CSMD2: variants seen among roughly 807,000 people sequenced by gnomAD.
The protein encoded by CSMD2 is CUB and sushi domain-containing protein 2.
CSMD2 carries 130 observed loss-of-function variants against 398.5 expected under a neutral mutation model. The ratio of observed to expected loss-of-function variants is 0.33; its 90% confidence interval spans 0.28 to 0.38. The LOEUF (loss-of-function observed/expected upper bound fraction) is 0.38, where lower values mean the gene tolerates loss of function less well. Ranked by LOEUF, CSMD2 falls within the 10% of genes least tolerant of loss-of-function variation. The pLI is 1.00. For missense variants in CSMD2, 3,829 were observed against 4,764.9 expected (o/e 0.80, Z 5.78); for synonymous variants, 1,828 against 1,908.5 (o/e 0.96, Z 1.10).
chr1:33,941,983 C>T (rs574798128), intron 3 of CSMD2, among the ~76,000 whole-genome samples: 1 of 152,236 alleles, frequency 6.6e-6, no homozygotes, highest in South Asian at 2.1e-4. Context: ...TCCATAAGGA[C>T]AGGCATTTTT....
At chr1:33,652,867 G>T (rs1643837691) in intron 27 of CSMD2, among the ~76,000 whole-genome samples, 1 of 152,136 alleles carries the variant, frequency 6.6e-6, no homozygotes, top group South Asian at 2.1e-4. Context: ...CCATTCTCCT[G>T]CCTCAGCCTC....
chr1:33,691,827 C>T (rs952271663), intron 25 of CSMD2, among the ~76,000 whole-genome samples: 5 of 152,130 alleles, frequency 3.3e-5, no homozygotes, highest in African/African-American at 1.2e-4. Flanking sequence ...CATTCCTTAC[C>T]CATGTGTTTC....
intron 46 of CSMD2, 27 bp from the exon 47 acceptor site, chr1:33,583,857 G>A: frequency 6.3e-7 from 1 of 1,598,666 alleles, no homozygotes; most frequent in South Asian, 1.1e-5. Flanking sequence ...GAAACACCAA[G>A]TACGTGGGGG....
chr1:33,791,623 C>A (rs2124870203), intron 11 of CSMD2, among the ~76,000 whole-genome samples: 1 of 152,250 alleles, frequency 6.6e-6, no homozygotes, highest in East Asian at 1.9e-4. Flanking sequence ...GTAGCTGGGA[C>A]TATACAGGCG....
intron 13 of CSMD2, among the ~76,000 whole-genome samples, chr1:33,766,708 CCACA>C (rs1272639183): frequency 6.6e-6 from 1 of 152,152 alleles, no homozygotes; most frequent in East Asian, 1.9e-4. Context: ...TTTTAAATGG[CCACA>C]CAAATATTTG....
chr1:33,675,436 A>G (rs921652080), intron 25 of CSMD2, among the ~76,000 whole-genome samples: 9 of 152,242 alleles, frequency 5.9e-5, no homozygotes, highest in Non-Finnish European at 8.8e-5. Context: ...GAATAGACCA[A>G]TAACAGGCTC....
intron 29 of CSMD2, among the ~76,000 whole-genome samples, chr1:33,638,215 T>C (rs1642916723): frequency 6.6e-6 from 1 of 152,190 alleles, no homozygotes; most frequent in African/African-American, 2.4e-5. Flanking sequence ...ATCAAATCTG[T>C]CTTCTCCATA....
chr1:33,546,858 C>CATTT (rs948639359), intron 56 of CSMD2, among the ~76,000 whole-genome samples: 6 of 151,834 alleles, frequency 4.0e-5, no homozygotes, highest in African/African-American at 7.3e-5. Flanking sequence ...TGATCTTGGG[C>CATTT]ATTTATTTAT....
chr1:33,856,149 A>C (rs1401458307), intron 5 of CSMD2, among the ~76,000 whole-genome samples: 1 of 152,080 alleles, frequency 6.6e-6, no homozygotes, highest in East Asian at 1.9e-4. Flanking sequence ...AATGTGAACT[A>C]TTTTCCCCCT....
intron 12 of CSMD2, among the ~76,000 whole-genome samples, chr1:33,777,122 A>G (rs1652094140): frequency 6.6e-6 from 1 of 152,182 alleles, no homozygotes; most frequent in African/African-American, 2.4e-5. Context: ...GCGAGCAAGC[A>G]TACGAGCCCC....
intron 59 of CSMD2, 42 bp downstream of exon 59, chr1:33,541,088 T>C (rs201185215): frequency 1.3e-5 from 20 of 1,598,038 alleles, no homozygotes; most frequent in Middle Eastern, 1.8e-4. Context: ...CACTTTTGTA[T>C]CTTCTTTGGC....
At chr1:33,748,258 T>C (rs1415283378) in intron 13 of CSMD2, among the ~76,000 whole-genome samples, 7 of 152,196 alleles carry the variant, frequency 4.6e-5, no homozygotes, top group African/African-American at 2.4e-5. Flanking sequence ...TGTAAGAGAA[T>C]AGGAAGAGCC....
chr1:34,113,663 A>T (rs78553100), intron 1 of CSMD2, among the ~76,000 whole-genome samples: 1 of 152,182 alleles, frequency 6.6e-6, no homozygotes, highest in African/African-American at 2.4e-5. Context: ...CAGAATAGGA[A>T]GCCCCAGACA....
chr1:33,894,195 G>A (rs1642227976), intron 5 of CSMD2, among the ~76,000 whole-genome samples: 1 of 152,132 alleles, frequency 6.6e-6, no homozygotes, highest in Non-Finnish European at 1.5e-5. Context: ...TAGTGAGCTG[G>A]GTCTCACTCC....
At chr1:33,823,160 A>G (rs1269600995) in intron 7 of CSMD2, among the ~76,000 whole-genome samples, 1 of 152,084 alleles carries the variant, frequency 6.6e-6, no homozygotes, top group East Asian at 1.9e-4. Flanking sequence ...AGCAGACCCT[A>G]CCGCCTCCCC....
chr1:33,822,473 G>C (rs1161458430), intron 7 of CSMD2, among the ~76,000 whole-genome samples: 1 of 152,152 alleles, frequency 6.6e-6, no homozygotes, highest in Non-Finnish European at 1.5e-5. Flanking sequence ...TGGACAGACT[G>C]TGTGCTCAAG....
In CSMD2 at chr1:33,707,695, G is replaced by GCGCGCACA. The variant is rs1172787777; in HGVS notation, c.3576+1393_3576+1394insTGTGCGCG. Among the ~76,000 whole-genome samples the GCGCGCACA allele has an allele frequency of 2.7e-3, 253 of 92,056 alleles. 1 individual carries two copies. The highest frequency in any genetic ancestry group is 4.2e-3 in the Non-Finnish European group (201 of 47,636). The allele number at this position is 92,056 out of a possible 152,430, so 60.4% of individuals were successfully genotyped here. Reference sequence around the variant, plus strand: ...CGCACGCGTGCACACGCGCGCGCGCGCACACACACACACACACACACACAC... The same window carrying GCGCGCACA: ...CGCACGCGTGCACACGCGCGCGCGCGCGCGCACACACACACACACACACACACACACAC... On this transcript the variant is annotated intron_variant, in intron 22 of 70. Coordinates refer to ENST00000373381, the MANE Select transcript of CSMD2 (RefSeq NM_001281956.2).
intron 1 of CSMD2, among the ~76,000 whole-genome samples, chr1:34,094,815 C>T (rs1390780387): frequency 1.3e-5 from 2 of 151,792 alleles, no homozygotes; most frequent in Non-Finnish European, 2.9e-5. Context: ...TAATGGGAGA[C>T]TTTAACACCC....
At chr1:33,814,939 C>A (rs1041626770) in intron 9 of CSMD2, among the ~76,000 whole-genome samples, 4 of 152,064 alleles carry the variant, frequency 2.6e-5, no homozygotes, top group Non-Finnish European at 5.9e-5. Flanking sequence ...CCAGTCTGGA[C>A]CTCAAGACCA....
Sources: allele counts gnomAD v4.1 joint callset (sites outside exome capture counted in the v4.1 genomes callset), GRCh38; gene constraint gnomAD v4.1.1; transcripts MANE v1.5; gene names NCBI Gene and HGNC (gene_info 2026-07-23, HGNC 2026-07-21).